EXOC4: variants seen among roughly 807,000 people sequenced by gnomAD.
EXOC4 encodes the protein exocyst complex component 4, also known as SEC8-like 1.
In EXOC4, 71 loss-of-function variants were observed where a neutral mutation model predicts 107.2. The ratio of observed to expected loss-of-function variants is 0.66; its 90% confidence interval spans 0.55 to 0.81. The LOEUF (loss-of-function observed/expected upper bound fraction) is 0.81, where lower values mean the gene tolerates loss of function less well. EXOC4 is among the 30% of genes least tolerant of loss of function. EXOC4 has a pLI of 0.00. For synonymous variants in EXOC4, 456 were observed against 441.2 expected (o/e 1.03, Z -0.42); for missense variants, 1,108 against 1,189.6 (o/e 0.93, Z 1.01).
chr7:133,254,648 A>G (rs1261583153), intron 1 of EXOC4, among the ~76,000 whole-genome samples: 1 of 152,222 alleles, frequency 6.6e-6, no homozygotes, highest in African/African-American at 2.4e-5. Context: ...CTTAATGAGT[A>G]AATGCCCTGA....
intron 17 of EXOC4, among the ~76,000 whole-genome samples, chr7:134,036,275 G>A (rs947589715): frequency 6.6e-6 from 1 of 152,132 alleles, no homozygotes; most frequent in African/African-American, 2.4e-5. Flanking sequence ...CTTCTCTCCA[G>A]CTTATGTATC....
chr7:134,073,735 G>A, the EXOC4 span, among the ~76,000 whole-genome samples: 165 of 151,888 alleles, frequency 1.1e-3, no homozygotes, highest in African/African-American at 3.6e-3. Flanking sequence ...GCAGAAGTCC[G>A]ACTCCAGTCA....
chr7:134,025,708 G>T (rs962102221), intron 17 of EXOC4, among the ~76,000 whole-genome samples: 3 of 152,000 alleles, frequency 2.0e-5, no homozygotes, highest in Non-Finnish European at 1.5e-5. Context: ...TCTCCATGTA[G>T]ATTTTCCATG....
chr7:133,941,872 T>G (rs1289064388), intron 14 of EXOC4, among the ~76,000 whole-genome samples: 1 of 139,004 alleles, frequency 7.2e-6, no homozygotes, highest in East Asian at 2.1e-4. Context: ...TTCTACATGT[T>G]TTCCTGCATT....
At chr7:133,528,258 T>C (rs1217182695) in intron 9 of EXOC4, among the ~76,000 whole-genome samples, 1 of 152,194 alleles carries the variant, frequency 6.6e-6, no homozygotes, top group African/African-American at 2.4e-5. Context: ...AATGGAACTC[T>C]GAGCCTTGAT....
At chr7:133,283,169 G>T (rs1794197282) in intron 2 of EXOC4, among the ~76,000 whole-genome samples, 1 of 152,172 alleles carries the variant, frequency 6.6e-6, no homozygotes, top group Non-Finnish European at 1.5e-5. Context: ...AAATGGTGCA[G>T]TCGGCTCACT....
chr7:133,484,701 A>G (rs979175948), intron 9 of EXOC4, among the ~76,000 whole-genome samples: 1 of 152,220 alleles, frequency 6.6e-6, no homozygotes. Context: ...ATTAACTTAA[A>G]TATTAAATTA....
chr7:133,349,840 GT>G (rs995716179), intron 5 of EXOC4, among the ~76,000 whole-genome samples: 44 of 149,932 alleles, frequency 2.9e-4, no homozygotes, highest in African/African-American at 9.5e-4. Context: ...GCTATTTCCT[GT>G]TTTTTTTTGG....
intron 9 of EXOC4, among the ~76,000 whole-genome samples, chr7:133,531,984 C>T (rs1800189392): frequency 6.6e-6 from 1 of 151,930 alleles, no homozygotes; most frequent in Non-Finnish European, 1.5e-5. Context: ...ACACGAAATT[C>T]ATTTGTTTTT....
chr7:133,856,238 A>G (rs1205825067), intron 11 of EXOC4, among the ~76,000 whole-genome samples: 2 of 152,188 alleles, frequency 1.3e-5, no homozygotes, highest in African/African-American at 2.4e-5. Context: ...CAGCACCTAT[A>G]TGGGAATTCA....
chr7:133,705,827 A>T (rs888059376), intron 10 of EXOC4, among the ~76,000 whole-genome samples: 1 of 152,230 alleles, frequency 6.6e-6, no homozygotes, highest in African/African-American at 2.4e-5. Context: ...ATGTCATCAC[A>T]CTACTCAGAA....
chr7:133,416,284 A>G (rs751569365), intron 7 of EXOC4, among the ~76,000 whole-genome samples: 1 of 152,178 alleles, frequency 6.6e-6, no homozygotes, highest in African/African-American at 2.4e-5. Context: ...TTGGTGTAGT[A>G]CTTGACCATC....
At chr7:134,098,432 T>A in the EXOC4 span, among the ~76,000 whole-genome samples, 1 of 152,130 alleles carries the variant, frequency 6.6e-6, no homozygotes, top group Admixed American at 6.5e-5. Context: ...CCAACCCAAT[T>A]CTTGCACACA....
At position 133,596,595 on chromosome 7, in the gene EXOC4, G is replaced by A. The variant is rs112236790; in HGVS notation, c.1418-33450G>A. On this transcript the variant is annotated intron_variant, in intron 9 of 17. Transcript: ENST00000253861. ...GGCTCCCCCATAAGTGCAACAAGAT[G>A]TCTCTCAAATAGGGTGAGCTTTAGT... 3.9e-3 allele frequency among the ~76,000 whole-genome samples: 597 copies of A among 152,284 alleles called. 6 individuals carry two copies. Among genetic ancestry groups the A allele is most frequent in the African/African-American group, 0.014 (571 of 41,552 alleles).
chr7:133,785,813 C>T (rs1585143635), intron 10 of EXOC4, among the ~76,000 whole-genome samples: 1 of 152,180 alleles, frequency 6.6e-6, no homozygotes, highest in East Asian at 1.9e-4. Flanking sequence ...GCTGGGACTA[C>T]AGGTGCCCGC....
At chr7:134,019,905 G>A (rs1046336685) in intron 17 of EXOC4, among the ~76,000 whole-genome samples, 1 of 152,040 alleles carries the variant, frequency 6.6e-6, no homozygotes, top group East Asian at 1.9e-4. Flanking sequence ...GCAGTTTGAC[G>A]GCAGAGGGGT....
intron 10 of EXOC4, among the ~76,000 whole-genome samples, chr7:133,809,892 T>C (rs991162419): frequency 1.3e-5 from 2 of 152,216 alleles, no homozygotes; most frequent in African/African-American, 4.8e-5. Context: ...AATCCTGAAT[T>C]TGAATATTCT....
intron 11 of EXOC4, among the ~76,000 whole-genome samples, chr7:133,869,701 A>G (rs1366260041): frequency 6.6e-6 from 1 of 151,954 alleles, no homozygotes; most frequent in Non-Finnish European, 1.5e-5. Flanking sequence ...CTAAACTGGA[A>G]TCATGTGGCA....
intron 4 of EXOC4, among the ~76,000 whole-genome samples, chr7:133,308,089 C>T (rs1794794068): frequency 6.6e-6 from 1 of 152,074 alleles, no homozygotes; most frequent in Non-Finnish European, 1.5e-5. Context: ...AGATCTGAAT[C>T]ACTGATGTGG....
Sources: gnomAD v4.1 joint callset for allele counts (sites outside exome capture counted in the v4.1 genomes callset) on GRCh38, gnomAD v4.1.1 for gene constraint, MANE v1.5 for transcripts, NCBI Gene and HGNC (gene_info 2026-07-23, HGNC 2026-07-21) for gene names.